PLEKHM3: variants seen among roughly 807,000 people sequenced by gnomAD.
PLEKHM3 encodes pleckstrin homology domain containing M3, also known as pleckstrin homology domain-containing family M member 3.
Under a neutral mutation model 81.8 loss-of-function variants are expected in PLEKHM3, and 45 were observed. The ratio of observed to expected loss-of-function variants is 0.55; its 90% confidence interval spans 0.43 to 0.71. The LOEUF is 0.71. PLEKHM3 is among the 30% of genes least tolerant of loss of function. PLEKHM3 has a pLI of 0.00. For synonymous variants in PLEKHM3, 352 were observed against 356.4 expected, an observed-to-expected ratio of 0.99 and a Z score of 0.14; for missense variants, 788 against 924.3, an observed-to-expected ratio of 0.85 and a Z score of 1.91.
chr2:207,973,485 T>A (rs1691194622), intron 3 of PLEKHM3, among the ~76,000 whole-genome samples: 1 of 152,194 alleles, frequency 6.6e-6, no homozygotes, highest in Admixed American at 6.5e-5. Context: ...ACGCCTGTAA[T>A]CCCAGCACTT....
rs1559197600 is a variant in PLEKHM3, at chr2:207,828,513, TG to T, written c.2109-18del. On this transcript the variant is annotated intron_variant, in intron 7 of 7. Transcript: ENST00000427836. ...CTTTCACACCTGCAAAAGTCAACCA[TG>T]GATATGATGAGCAAGACTGAAGCCA... 1.3e-5 allele frequency: 21 copies of T among 1,610,756 alleles called. No homozygotes were observed. The highest frequency in any genetic ancestry group is 2.7e-5 in the African/African-American group (2 of 74,788).
rs55739776 is a variant in PLEKHM3, at chr2:207,860,151, C to CTGTGTGTGTGTGTGTGTGTGTGTGTG, written c.2108+928_2108+953dup. Among the ~76,000 whole-genome samples the CTGTGTGTGTGTGTGTGTGTGTGTGTG allele has an allele frequency of 2.6e-4, 29 of 110,756 alleles. 1 individual carries two copies. The highest frequency in any genetic ancestry group is 4.1e-4 in the African/African-American group (11 of 27,114). The allele number at this position is 110,756 out of a possible 152,430, so 72.7% of individuals were successfully genotyped here. A position where few individuals can be genotyped will look rare whatever the true frequency, so the allele number is the denominator to read the frequency against. On this transcript the variant is annotated intron_variant, in intron 7 of 7. Transcript: ENST00000427836. ...GGAAACTGGAGGCTGAACTCTGCCT[C>CTGTGTGTGTGTGTGTGTGTGTGTGTG]TGTGTGTGTGTGTGTGTGTGTGTGT...
At chr2:207,874,170 T>C (rs1031502499) in intron 6 of PLEKHM3, among the ~76,000 whole-genome samples, 1 of 152,190 alleles carries the variant, frequency 6.6e-6, no homozygotes, top group Admixed American at 6.5e-5. Flanking sequence ...ACATGGGAAT[T>C]TGCTATACAA....
At chr2:207,948,876 G>A (rs941580246) in intron 3 of PLEKHM3, among the ~76,000 whole-genome samples, 1 of 151,756 alleles carries the variant, frequency 6.6e-6, no homozygotes, top group South Asian at 2.1e-4. Context: ...ACGGGGCTTC[G>A]CTATGTTGGC....
chr2:207,993,817 C>T (rs913293357), intron 2 of PLEKHM3, among the ~76,000 whole-genome samples: 1 of 152,108 alleles, frequency 6.6e-6, no homozygotes, highest in African/African-American at 2.4e-5. Flanking sequence ...AGCTCTGTAG[C>T]TAATGCAAAG....
At chr2:207,840,800 T>A (rs1559202732) in intron 7 of PLEKHM3, among the ~76,000 whole-genome samples, 3 of 104,808 alleles carry the variant, frequency 2.9e-5, no homozygotes. Flanking sequence ...ACTTTTTATG[T>A]TTTTTTTTTT....
intron 5 of PLEKHM3, among the ~76,000 whole-genome samples, chr2:207,927,746 C>T (rs1689450086): frequency 6.6e-6 from 1 of 152,034 alleles, no homozygotes; most frequent in Non-Finnish European, 1.5e-5. Context: ...AGGAGAATTG[C>T]TGGAACCTGG....
intron 6 of PLEKHM3, among the ~76,000 whole-genome samples, chr2:207,905,914 TGATTATTAAA>T (rs1489531518): frequency 6.6e-6 from 1 of 151,802 alleles, no homozygotes; most frequent in Non-Finnish European, 1.5e-5. Context: ...ATGTATGGTT[TGATTATTAAA>T]GGAGGAAAAA....
chr2:207,907,453 G>C (rs1027731105), intron 6 of PLEKHM3, among the ~76,000 whole-genome samples: 6 of 151,944 alleles, frequency 3.9e-5, no homozygotes, highest in Non-Finnish European at 8.8e-5. Context: ...AGCGAGCCAA[G>C]ACCATGCCAC....
rs573363065 is a variant in PLEKHM3 at position 207,918,715 on chromosome 2, G to A, written c.1887-10138C>T. ...TGTAATAAGAGAAAAAATAAGTTTG[G>A]CCAAATTGGGCAGAATCTTCATTCA... On this transcript the variant is annotated intron_variant, in intron 5 of 7. Transcript: ENST00000427836. Among the ~76,000 whole-genome samples, 57 of 152,224 alleles carry A rather than the reference G, an allele frequency of 3.7e-4. 1 individual carries two copies. In the South Asian group the frequency reaches 0.011, roughly 30 times the overall value.
At chr2:207,969,209 CCTT>C (rs1195766671) in intron 3 of PLEKHM3, among the ~76,000 whole-genome samples, 1 of 152,166 alleles carries the variant, frequency 6.6e-6, no homozygotes, top group Non-Finnish European at 1.5e-5. Context: ...ACACAATGAC[CCTT>C]CTGGGCACTT....
intron 6 of PLEKHM3, among the ~76,000 whole-genome samples, chr2:207,865,578 GA>G (rs2092491115): frequency 6.6e-6 from 1 of 151,214 alleles, no homozygotes; most frequent in South Asian, 2.1e-4. Flanking sequence ...AGGAGTTCAT[GA>G]CCAGCCTGGC....
intron 7 of PLEKHM3, among the ~76,000 whole-genome samples, chr2:207,841,703 G>A (rs1207296659): frequency 6.6e-6 from 1 of 151,258 alleles, no homozygotes; most frequent in East Asian, 1.9e-4. Context: ...AATTTGCTAT[G>A]CCACCTTTAC....
intron 2 of PLEKHM3, among the ~76,000 whole-genome samples, chr2:207,985,536 A>G (rs1691687089): frequency 1.3e-5 from 2 of 152,072 alleles, no homozygotes; most frequent in South Asian, 4.1e-4. Flanking sequence ...TCTCCTGCCC[A>G]GACTGTATAC....
chr2:207,836,302 C>T (rs776090731), intron 7 of PLEKHM3, among the ~76,000 whole-genome samples: 9 of 118,468 alleles, frequency 7.6e-5, no homozygotes, highest in East Asian at 2.2e-4. Context: ...CCAGCCTGGG[C>T]GACAGAGAGA....
chr2:207,831,903 C>A (rs1314940498), intron 7 of PLEKHM3, among the ~76,000 whole-genome samples: 1 of 152,230 alleles, frequency 6.6e-6, no homozygotes, highest in Non-Finnish European at 1.5e-5. Context: ...AAATTTCCTC[C>A]TTCCAGCCCC....
chr2:207,899,641 G>C (rs1464852633), intron 6 of PLEKHM3, among the ~76,000 whole-genome samples: 1 of 152,164 alleles, frequency 6.6e-6, no homozygotes, highest in Non-Finnish European at 1.5e-5. Context: ...GCACCTCAAG[G>C]CACATCCCAG....
At chr2:207,953,067 G>A (rs1690379621) in intron 3 of PLEKHM3, among the ~76,000 whole-genome samples, 1 of 152,200 alleles carries the variant, frequency 6.6e-6, no homozygotes, top group Admixed American at 6.5e-5. Flanking sequence ...CGGTTACAAA[G>A]CAAATAGTAT....
chr2:207,900,968 C>T (rs1169042086), intron 6 of PLEKHM3: 4 of 394,854 alleles, frequency 1.0e-5, no homozygotes, highest in Non-Finnish European at 1.8e-5. Flanking sequence ...AACAACAGCA[C>T]TCAGATGACT....
Sources: allele counts gnomAD v4.1 joint callset (sites outside exome capture counted in the v4.1 genomes callset), GRCh38; gene constraint gnomAD v4.1.1; transcripts MANE v1.5; gene names NCBI Gene and HGNC (gene_info 2026-07-23, HGNC 2026-07-21).